SHQ1: variants seen among roughly 807,000 people sequenced by gnomAD.
The protein encoded by SHQ1 is protein SHQ1 homolog.
SHQ1 carries 49 observed loss-of-function variants against 53.8 expected under a neutral mutation model. The ratio of observed to expected loss-of-function variants is 0.91; its 90% CI spans 0.72 to 1.16. The LOEUF is 1.16. Ranked by LOEUF, SHQ1 falls within the 50% of genes most tolerant of loss-of-function variation. The probability of loss-of-function intolerance (pLI) is 0.00; values close to 1 mark genes in which losing one functional copy is unlikely to be tolerated. For missense variants in SHQ1, 738 were observed against 683.1 expected, an observed-to-expected ratio of 1.08 and a Z score of -0.90; for synonymous variants, 243 against 251.0, an observed-to-expected ratio of 0.97 and a Z score of 0.30.
intron 10 of SHQ1, chr3:72,772,557 T>C (rs62251655): frequency 0.21 from 145,173 of 676,106 alleles, 17,249 homozygotes; most frequent in Non-Finnish European, 0.25. Flanking sequence ...CATGGGAAGA[T>C]TGGGCAATTT....
intron 9 of SHQ1, among the ~76,000 whole-genome samples, chr3:72,803,695 T>C (rs771227278): frequency 6.6e-6 from 1 of 152,208 alleles, no homozygotes; most frequent in Non-Finnish European, 1.5e-5. Flanking sequence ...ACTTACTCAA[T>C]TCTGTCATCT....
intron 10 of SHQ1, among the ~76,000 whole-genome samples, chr3:72,771,897 GC>G: frequency 6.6e-6 from 1 of 152,346 alleles, no homozygotes; most frequent in South Asian, 2.1e-4. Context: ...CAACTTTTAA[GC>G]CCTCTAGCCT....
At chr3:72,744,473 TC>T (rs1705221300), downstream of SHQ1, among the ~76,000 whole-genome samples, 2 of 152,168 alleles carry the variant, frequency 1.3e-5, no homozygotes, top group South Asian at 4.1e-4. Flanking sequence ...AAAGCAGTCT[TC>T]CTTATCTAAG....
chr3:72,750,854 A>C lies in SHQ1; in HGVS notation c.1182-18T>G, dbSNP rs1454847627. 6.0e-6 allele frequency: 9 copies of C among 1,489,048 alleles called. No homozygotes were observed. The African/African-American group carries it at 1.3e-4, about 21-fold the overall frequency. The allele number at this position is 1,489,048 out of a possible 1,614,324, so 92.2% of individuals were successfully genotyped here. ...TTTTGGATCTTGAAAACATTTTAAAAAGAAAGATTAGAATTATTTATTAAT... is the reference window on the plus strand; with the variant it reads ...TTTTGGATCTTGAAAACATTTTAAACAGAAAGATTAGAATTATTTATTAAT... On this transcript the variant is annotated intron_variant, in intron 10 of 10. Coordinates refer to ENST00000325599, the MANE Select transcript of SHQ1 (RefSeq NM_018130.3).
chr3:72,762,556 A>T (rs1047137004), intron 10 of SHQ1, among the ~76,000 whole-genome samples: 6 of 152,186 alleles, frequency 3.9e-5, no homozygotes, highest in Admixed American at 1.3e-4. Context: ...AACCTCTTGG[A>T]ATTGTATACC....
At chr3:72,759,998 T>A (rs934531678) in intron 10 of SHQ1, among the ~76,000 whole-genome samples, 1 of 152,220 alleles carries the variant, frequency 6.6e-6, no homozygotes, top group East Asian at 1.9e-4. Context: ...GGCCTCTCAA[T>A]CATGTGATGC....
the SHQ1 span, among the ~76,000 whole-genome samples, chr3:72,727,096 C>T: frequency 1.3e-5 from 2 of 152,092 alleles, no homozygotes; most frequent in Non-Finnish European, 2.9e-5. Context: ...TGCTATGTAG[C>T]CCCAGAACAA....
chr3:72,743,954 T>A, the SHQ1 span, among the ~76,000 whole-genome samples: 1 of 151,986 alleles, frequency 6.6e-6, no homozygotes, highest in East Asian at 1.9e-4. Context: ...GAAGGATGGG[T>A]GAGATTTAAA....
intron 10 of SHQ1, among the ~76,000 whole-genome samples, chr3:72,777,344 A>G (rs1354724965): frequency 6.6e-6 from 1 of 152,238 alleles, no homozygotes; most frequent in East Asian, 1.9e-4. Flanking sequence ...GGAATCCTAT[A>G]AATCAAAAAG....
intron 4 of SHQ1, among the ~76,000 whole-genome samples, chr3:72,835,289 A>G (rs1707956872): frequency 6.6e-6 from 1 of 151,946 alleles, no homozygotes; most frequent in Non-Finnish European, 1.5e-5. Flanking sequence ...GTGAGGATTA[A>G]ATGAGATAAT....
intron 10 of SHQ1, among the ~76,000 whole-genome samples, chr3:72,765,547 A>T (rs1359941821): frequency 1.0e-5 from 1 of 95,290 alleles, no homozygotes; most frequent in African/African-American, 7.0e-5. Flanking sequence ...ATATATATAT[A>T]TATATATATA....
At chr3:72,804,206 G>C (rs1487030021) in intron 9 of SHQ1, among the ~76,000 whole-genome samples, 1 of 152,116 alleles carries the variant, frequency 6.6e-6, no homozygotes, top group African/African-American at 2.4e-5. Flanking sequence ...TTACAGGCAT[G>C]AGCCACCATA....
chr3:72,790,245 C>T (rs1041236901), intron 10 of SHQ1, among the ~76,000 whole-genome samples: 3 of 152,124 alleles, frequency 2.0e-5, no homozygotes, highest in Non-Finnish European at 4.4e-5. Flanking sequence ...AAACCTAGTA[C>T]GAAAGCAGAA....
chr3:72,788,014 T>C (rs528209327), intron 10 of SHQ1, among the ~76,000 whole-genome samples: 1 of 152,296 alleles, frequency 6.6e-6, no homozygotes, highest in South Asian at 2.1e-4. Flanking sequence ...GCTCACTCAG[T>C]GCTCAATGTT....
At chr3:72,758,368 C>CA (rs1457424166) in intron 10 of SHQ1, among the ~76,000 whole-genome samples, 3 of 152,168 alleles carry the variant, frequency 2.0e-5, no homozygotes, top group Non-Finnish European at 4.4e-5. Flanking sequence ...ACTTCTCATA[C>CA]AAATTTCAAC....
In SHQ1 at chr3:72,799,571, T is replaced by C. The variant is rs75904089; in HGVS notation, c.1061-6535A>G. ...ACAAACACGCACATTAAATTTAGCA[T>C]TAAGAAGGCTTCTAGGTCTATGTGA... On this transcript the variant is annotated intron_variant, in intron 9 of 10. Coordinates refer to ENST00000325599, the MANE Select transcript of SHQ1 (RefSeq NM_018130.3). Among the ~76,000 whole-genome samples the C allele has an allele frequency of 5.1e-3, 782 of 152,272 alleles. 10 individuals are homozygous for C. Among genetic ancestry groups the C allele is most frequent in the African/African-American group, 0.018 (752 of 41,542 alleles).
chr3:72,789,401 G>A (rs965403207), intron 10 of SHQ1, among the ~76,000 whole-genome samples: 4 of 152,090 alleles, frequency 2.6e-5, no homozygotes, highest in African/African-American at 4.8e-5. Flanking sequence ...TATTTTATGC[G>A]TGGCCCAAGA....
In SHQ1 at chr3:72,812,692, T is replaced by C; in HGVS notation, c.1039A>G (p.Thr347Ala). Residue 347 changes from threonine to alanine, a missense_variant, in exon 9 of 11, where the codon ACT becomes GCT. By Grantham distance (58) the Thr-to-Ala change is moderately conservative. Coordinates refer to ENST00000325599, the MANE Select transcript of SHQ1 (RefSeq NM_018130.3). ...FKLVMKAYRD[T>A]IKILQLGKSA... ...TTACCCAGTTGCAATATCTTTATAG[T>C]GTCCCTGTAGGCCTTCATCACCAGC... The C allele has an allele frequency of 6.2e-7, 1 of 1,614,094 alleles. No individual in the cohort carries two copies. The highest frequency in any genetic ancestry group is 8.5e-7 in the Non-Finnish European group (1 of 1,179,970).
At chr3:72,847,888 G>C (rs1708398690) in intron 1 of SHQ1, among the ~76,000 whole-genome samples, 1 of 152,146 alleles carries the variant, frequency 6.6e-6, no homozygotes, top group Admixed American at 6.5e-5. Context: ...AACAGAACAA[G>C]TCAGAACGGG....
Sources: gnomAD v4.1 joint callset for allele counts (sites outside exome capture counted in the v4.1 genomes callset) on GRCh38, gnomAD v4.1.1 for gene constraint, MANE v1.5 for transcripts, NCBI Gene and HGNC (gene_info 2026-07-23, HGNC 2026-07-21) for gene names.